Variants in SHISA9 observed in about 807,000 individuals in gnomAD.
SHISA9 encodes the protein protein shisa-9.
Under a neutral mutation model 38.0 loss-of-function variants are expected in SHISA9, and 13 were observed. That is an observed-to-expected ratio of 0.34 (90% confidence interval 0.22 to 0.54). The LOEUF is 0.54. Ranked by LOEUF, SHISA9 falls within the 20% of genes least tolerant of loss-of-function variation. The pLI is 0.91. For synonymous variants in SHISA9, 275 were observed against 242.0 expected (o/e 1.14, Z -1.27); for missense variants, 538 against 575.8 (o/e 0.93, Z 0.67).
chr16:12,961,105 T>C (rs888767714), intron 2 of SHISA9, among the ~76,000 whole-genome samples: 7 of 152,064 alleles, frequency 4.6e-5, no homozygotes, highest in African/African-American at 1.4e-4. Context: ...TCCTGGGGAA[T>C]CCAGGCTTTA....
chr16:13,328,591 T>TACACACACAC, the SHISA9 span, among the ~76,000 whole-genome samples: 38 of 139,968 alleles, frequency 2.7e-4, no homozygotes, highest in East Asian at 4.3e-4. Context: ...TATATGTGTA[T>TACACACACAC]ACACACACAC....
chr16:13,369,022 T>A, the SHISA9 span, among the ~76,000 whole-genome samples: 1 of 152,132 alleles, frequency 6.6e-6, no homozygotes, highest in Non-Finnish European at 1.5e-5. Flanking sequence ...GGTACTAGAA[T>A]GGATAGTGTT....
intron 4 of SHISA9, among the ~76,000 whole-genome samples, chr16:13,225,465 T>C (rs866995451): frequency 2.3e-4 from 35 of 152,146 alleles, no homozygotes; most frequent in African/African-American, 8.0e-4. Flanking sequence ...TGCAAAGAAT[T>C]TGGATTTTGT....
chr16:13,039,406 T>C (rs1228819438), intron 2 of SHISA9, among the ~76,000 whole-genome samples: 1 of 151,834 alleles, frequency 6.6e-6, no homozygotes, highest in Non-Finnish European at 1.5e-5. Flanking sequence ...AACCTCCACT[T>C]CCAGGTCTTT....
the SHISA9 span, among the ~76,000 whole-genome samples, chr16:13,369,598 C>G: frequency 6.6e-6 from 1 of 151,534 alleles, no homozygotes; most frequent in Non-Finnish European, 1.5e-5. Context: ...GCAGCCAAGA[C>G]TAAACTGCTG....
chr16:13,033,197 G>T (rs1489600092), intron 2 of SHISA9, among the ~76,000 whole-genome samples: 2 of 152,142 alleles, frequency 1.3e-5, no homozygotes, highest in Non-Finnish European at 2.9e-5. Context: ...ATCATGCAGT[G>T]CCCATATTTG....
chr16:13,034,146 CA>C (rs35039631), intron 2 of SHISA9, among the ~76,000 whole-genome samples: 14,220 of 141,344 alleles, frequency 0.1, 1,419 homozygotes, highest in African/African-American at 0.26. Flanking sequence ...AACTCCATCT[CA>C]AAAAAAAAAA....
chr16:13,051,271 G>C (rs1596613020), intron 2 of SHISA9, among the ~76,000 whole-genome samples: 2 of 152,352 alleles, frequency 1.3e-5, no homozygotes, highest in African/African-American at 4.8e-5. Context: ...CCAAGAGAGA[G>C]CATGTGCAGG....
chr16:13,380,371 T>G, the SHISA9 span, among the ~76,000 whole-genome samples: 84 of 152,216 alleles, frequency 5.5e-4, no homozygotes, highest in African/African-American at 2.0e-3. Context: ...TTTCAATGCT[T>G]TAAAAGAGAG....
At chr16:13,545,162 C>T in the SHISA9 span, among the ~76,000 whole-genome samples, 1 of 152,126 alleles carries the variant, frequency 6.6e-6, no homozygotes, top group Non-Finnish European at 1.5e-5. Flanking sequence ...CAGTTTTTAC[C>T]ATTGAGAAAA....
intron 2 of SHISA9, among the ~76,000 whole-genome samples, chr16:13,032,293 T>G (rs1003092315): frequency 1.3e-5 from 2 of 152,164 alleles, no homozygotes; most frequent in African/African-American, 4.8e-5. Context: ...TCTGTTCCTG[T>G]GTCAGTTTGC....
chr16:13,395,739 C>G, the SHISA9 span, among the ~76,000 whole-genome samples: 2 of 152,230 alleles, frequency 1.3e-5, no homozygotes, highest in South Asian at 4.1e-4. Flanking sequence ...AACATTGTAG[C>G]GAGGGAGTCG....
chr16:13,144,720 C>T (rs1203701488), intron 2 of SHISA9, among the ~76,000 whole-genome samples: 4 of 152,140 alleles, frequency 2.6e-5, no homozygotes, highest in African/African-American at 7.2e-5. Context: ...AACTGGACTT[C>T]TGTTGATTTT....
chr16:12,981,650 A>G (rs2072241371), intron 2 of SHISA9, among the ~76,000 whole-genome samples: 1 of 152,194 alleles, frequency 6.6e-6, no homozygotes, highest in Non-Finnish European at 1.5e-5. Context: ...TCTTCGTTAC[A>G]GGCTGAATTG....
chr16:13,111,874 T>C (rs891056455), intron 2 of SHISA9, among the ~76,000 whole-genome samples: 1 of 152,190 alleles, frequency 6.6e-6, no homozygotes. Context: ...TCTTCAGTTA[T>C]CATCTGTTGA....
At chr16:13,175,836 G>T (rs1172635296) in intron 2 of SHISA9, among the ~76,000 whole-genome samples, 1 of 152,092 alleles carries the variant, frequency 6.6e-6, no homozygotes, top group Non-Finnish European at 1.5e-5. Context: ...TCCAAGGGTG[G>T]GTGGGGGCTT....
chr16:13,252,593 C>T, the SHISA9 span, among the ~76,000 whole-genome samples: 58 of 152,310 alleles, frequency 3.8e-4, no homozygotes, highest in African/African-American at 1.3e-3. Context: ...AGGCCTGATG[C>T]CCTGTTGATA....
chr16:13,255,892 G>A, the SHISA9 span, among the ~76,000 whole-genome samples: 11 of 152,192 alleles, frequency 7.2e-5, no homozygotes, highest in African/African-American at 2.2e-4. Context: ...ATTTTTCTCA[G>A]CTCACTCTCC....
At chr16:13,363,071 G>C in the SHISA9 span, among the ~76,000 whole-genome samples, 1 of 152,192 alleles carries the variant, frequency 6.6e-6, no homozygotes, top group African/African-American at 2.4e-5. Context: ...TCGACCATGT[G>C]ATCTACTCTC....
Sources: allele counts gnomAD v4.1 joint callset (sites outside exome capture counted in the v4.1 genomes callset), GRCh38; gene constraint gnomAD v4.1.1; transcripts MANE v1.5; gene names NCBI Gene and HGNC (gene_info 2026-07-23, HGNC 2026-07-21).